HECTD4: variants seen among roughly 807,000 people sequenced by gnomAD.
The protein encoded by HECTD4 is HECT domain E3 ubiquitin protein ligase 4.
In HECTD4, 114 loss-of-function variants were observed where a neutral mutation model predicts 471.5. The ratio of observed to expected loss-of-function variants is 0.24; its 90% CI spans 0.21 to 0.28. The LOEUF is 0.28. Among genes scored for constraint, HECTD4 ranks in the 10% least tolerant of loss-of-function variants. HECTD4 has a pLI of 1.00. For missense variants in HECTD4, 3,866 were observed against 5,651.5 expected (o/e 0.68, Z 10.13); for synonymous variants, 2,012 against 2,256.0 (o/e 0.89, Z 3.07).
At chr12:112,214,425 G>A (rs1189606366) in intron 48 of HECTD4, among the ~76,000 whole-genome samples, 2 of 152,150 alleles carry the variant, frequency 1.3e-5, no homozygotes, top group Admixed American at 1.3e-4. Flanking sequence ...GTCATTGTTC[G>A]CCACGGCATC....
intron 55 of HECTD4, 102 bp from the exon 56 acceptor site, chr12:112,195,168 C>T (rs2032198711): frequency 2.0e-6 from 2 of 1,000,176 alleles, no homozygotes; most frequent in Admixed American, 5.1e-5. Flanking sequence ...CTGCCTCAGG[C>T]TTCTCTTCCA....
chr12:112,189,412 C>T (rs1294788711), intron 60 of HECTD4, among the ~76,000 whole-genome samples: 3 of 151,586 alleles, frequency 2.0e-5, no homozygotes, highest in Admixed American at 6.6e-5. Context: ...ATTGGCCAGG[C>T]GTGGTGGTGG....
Position 112,179,592 on chromosome 12 carries a change from G to A in HECTD4, c.10988-195C>T, listed in dbSNP as rs2031589507. Among the ~76,000 whole-genome samples, 1 of 152,238 alleles carries A rather than the reference G, an allele frequency of 6.6e-6. No homozygotes were observed. Among genetic ancestry groups the A allele is most frequent in the African/African-American group, 2.4e-5 (1 of 41,472 alleles). ...TGCCCAGCCTTCCTTGCCGTAAGGTGCGGCCCTGCAACCGTGGTCACTGTG... is the reference window on the plus strand; with the variant it reads ...TGCCCAGCCTTCCTTGCCGTAAGGTACGGCCCTGCAACCGTGGTCACTGTG... On this transcript the variant is annotated intron_variant, in intron 62 of 75. Coordinates refer to ENST00000682272, the MANE Select transcript of HECTD4 (RefSeq NM_001388303.1). The surrounding 1 kb of genome is among the most constrained non-coding windows in gnomAD (Gnocchi z 4.3).
rs2030782377 is a variant in HECTD4 at position 112,163,412 on chromosome 12, G to C, written c.12897+130C>G. On this transcript the variant is annotated intron_variant, in intron 74 of 75. Coordinates refer to ENST00000682272, the MANE Select transcript of HECTD4 (RefSeq NM_001388303.1). The surrounding 1 kb of genome is among the most constrained non-coding windows in gnomAD (Gnocchi z 8.2). ...ACAGGGAGATGACAATGATGACAATGATACAGGTCTGTGGCAAGGACAGAG... is the reference window on the plus strand; with the variant it reads ...ACAGGGAGATGACAATGATGACAATCATACAGGTCTGTGGCAAGGACAGAG... 1 of 1,031,066 alleles carries C rather than the reference G, an allele frequency of 9.7e-7. No homozygotes were observed. The highest frequency in any genetic ancestry group is 1.4e-6 in the Non-Finnish European group (1 of 714,190). 63.9% of individuals were successfully genotyped at this position (1,031,066 alleles called of 1,614,324 possible). A position where few individuals can be genotyped will look rare whatever the true frequency, so the allele number is the denominator to read the frequency against.
rs1223332825 is a variant in HECTD4 at position 112,252,427 on chromosome 12, A to G, written c.3549T>C (p.Ala1183=). Residue 1183 remains alanine (A), a synonymous_variant, in exon 23 of 76, where the codon GCT becomes GCC. Transcript: ENST00000682272. The stretch of plus-strand genomic sequence containing the variant: ...GGCAGTGGTTAGATTCAAGTACCTG[A>G]GCGCGAACTGTGCAAGCAAAGCCCC... ...AMWGFACTVR[A]QESSEDVSGG... 5 of 1,596,678 alleles carry G rather than the reference A, an allele frequency of 3.1e-6. No homozygotes were observed. The South Asian group carries it at 5.7e-5, about 18-fold the overall frequency.
intron 2 of HECTD4, among the ~76,000 whole-genome samples, chr12:112,317,316 G>A (rs1360285063): frequency 1.3e-5 from 2 of 152,134 alleles, no homozygotes; most frequent in East Asian, 3.9e-4. Flanking sequence ...CTTGCTCAGA[G>A]CAAAGAAACT....
At position 112,184,239 on chromosome 12, in the gene HECTD4, AG is replaced by A; in HGVS notation, c.10726del (p.Leu3576TrpfsTer19). On this transcript the variant is annotated frameshift_variant, in exon 61 of 76. Coordinates refer to ENST00000682272, the MANE Select transcript of HECTD4 (RefSeq NM_001388303.1). LOFTEE classifies it high-confidence loss of function. The surrounding 1 kb of genome is among the most constrained non-coding windows in gnomAD (Gnocchi z 9.1). ...GCGGGCGGCGAGGGGCTGGTTGTCC[AG>A]GGAAGTGACTGTGTACATGGAGCCC... ...DMGSMYTVTSLDNQPLAARPI... is the reference protein window; with the variant it reads ...DMGSMYTVTSXDNQPLAARPI... 1 of 1,613,424 alleles carries A rather than the reference AG, an allele frequency of 6.2e-7. No individual in the cohort carries two copies. Among genetic ancestry groups the A allele is most frequent in the Non-Finnish European group, 8.5e-7 (1 of 1,179,790 alleles).
At chr12:112,350,605 T>C (rs1354360519) in intron 1 of HECTD4, among the ~76,000 whole-genome samples, 1 of 152,218 alleles carries the variant, frequency 6.6e-6, no homozygotes, top group Non-Finnish European at 1.5e-5. Flanking sequence ...TCTAACAAGT[T>C]TTAGTGTTCT....
rs892209805 is a variant in HECTD4, at chr12:112,381,452, G to A, written c.177+500C>T. Among the ~76,000 whole-genome samples the A allele has an allele frequency of 2.6e-5, 4 of 152,150 alleles. No homozygotes were observed. Among genetic ancestry groups the A allele is most frequent in the African/African-American group, 9.7e-5 (4 of 41,448 alleles). ...GATTGCCCATCGCGGACCCGCAGCT[G>A]CCACTACCCTCTCCCGGAAAAAAAC... On this transcript the variant is annotated intron_variant, in intron 1 of 75. Coordinates refer to ENST00000682272, the MANE Select transcript of HECTD4 (RefSeq NM_001388303.1). This position sits in a 1 kb window ranked among gnomAD's most constrained non-coding sequence, Gnocchi z 4.1.
rs751409884 is a variant in HECTD4 at position 112,264,060 on chromosome 12, G to A, written c.2748+24C>T. 39 of 1,600,802 alleles carry A rather than the reference G, an allele frequency of 2.4e-5. 1 individual carries two copies. The Middle Eastern group carries it at 4.9e-4, about 20-fold the overall frequency. On this transcript the variant is annotated intron_variant, in intron 17 of 75. Coordinates refer to ENST00000682272, the MANE Select transcript of HECTD4 (RefSeq NM_001388303.1). ...CTTTTCACACTGGGTAGAACGCATCGTTAAAATAAAGCTTGGTGTTTACCT... is the reference window on the plus strand; with the variant it reads ...CTTTTCACACTGGGTAGAACGCATCATTAAAATAAAGCTTGGTGTTTACCT...
chr12:112,330,754 G>T (rs1037220874), intron 1 of HECTD4, among the ~76,000 whole-genome samples: 1 of 152,074 alleles, frequency 6.6e-6, no homozygotes, highest in African/African-American at 2.4e-5. Flanking sequence ...ATCCTCTTAG[G>T]GCTTACACCT....
At chr12:112,182,001 G>A (rs924085440) in intron 62 of HECTD4, among the ~76,000 whole-genome samples, 2 of 152,078 alleles carry the variant, frequency 1.3e-5, no homozygotes, top group Non-Finnish European at 2.9e-5. Context: ...CTGAGGCAGG[G>A]AGAATTGCTT....
chr12:112,256,525 A>G lies in HECTD4; in HGVS notation c.3129-7T>C. ...TTCCTTCTCTTCTAACATTCTAAAC[A>G]GAAAAAGAGAAAGTGATTTAGCTTA... On this transcript the variant is annotated splice_region_variant and splice_polypyrimidine_tract_variant and intron_variant, in intron 20 of 75. Coordinates refer to ENST00000682272, the MANE Select transcript of HECTD4 (RefSeq NM_001388303.1). The G allele has an allele frequency of 6.6e-7, 1 of 1,525,612 alleles. No homozygotes were observed. The highest frequency in any genetic ancestry group is 1.3e-5 in the South Asian group (1 of 74,964). 94.5% of individuals were successfully genotyped at this position (1,525,612 alleles called of 1,614,324 possible).
chr12:112,305,994 C>T (rs1310928347), intron 7 of HECTD4, 70 bp downstream of exon 7: 2 of 1,467,892 alleles, frequency 1.4e-6, no homozygotes, highest in African/African-American at 2.8e-5. Flanking sequence ...AGGCCCTTTG[C>T]ACACCAATAT....
intron 1 of HECTD4, among the ~76,000 whole-genome samples, chr12:112,344,460 C>T (rs761527920): frequency 1.3e-5 from 2 of 152,144 alleles, no homozygotes; most frequent in Non-Finnish European, 2.9e-5. Context: ...CACTTCTGTT[C>T]AAAATACAAA....
chr12:112,228,909 T>A lies in HECTD4; in HGVS notation c.6520-98A>T. On this transcript the variant is annotated intron_variant, in intron 41 of 75. Transcript: ENST00000682272. The surrounding 1 kb of genome is among the most constrained non-coding windows in gnomAD (Gnocchi z 4.9). ...AAAAGTAAATTTATAGTTGTCATTG[T>A]TGGCGTTACAGTAATAGTTTATACT... 1 of 1,187,260 alleles carries A rather than the reference T, an allele frequency of 8.4e-7. No homozygotes were observed. Among genetic ancestry groups the A allele is most frequent in the Non-Finnish European group, 1.2e-6 (1 of 816,942 alleles). 73.5% of individuals were successfully genotyped at this position (1,187,260 alleles called of 1,614,324 possible). A position where few individuals can be genotyped will look rare whatever the true frequency, so the allele number is the denominator to read the frequency against.
chr12:112,275,091 G>A, intron 9 of HECTD4, 131 bp from the exon 10 acceptor site: 1 of 565,632 alleles, frequency 1.8e-6, no homozygotes, highest in Non-Finnish European at 3.1e-6. Context: ...GGTAATTGGT[G>A]GTAAAGAGAT....
intron 32 of HECTD4, among the ~76,000 whole-genome samples, chr12:112,240,626 C>T (rs1372136219): frequency 6.6e-6 from 1 of 151,728 alleles, no homozygotes; most frequent in Non-Finnish European, 1.5e-5. Flanking sequence ...ATTTTTTTGA[C>T]TTTTAGTAGA....
In HECTD4 at chr12:112,217,082, G is replaced by A. The variant is rs942578761; in HGVS notation, c.7188C>T (p.Gly2396=). 1.2e-5 allele frequency: 19 copies of A among 1,587,018 alleles called. No individual in the cohort carries two copies. The highest frequency in any genetic ancestry group is 1.5e-5 in the Non-Finnish European group (17 of 1,166,272). The part of the protein sequence containing the change: ...TFLADPSAGG[G]LPRGTFIYAT... ...CATAGATAAAAGTGCCCCGGGGCAGGCCTCCCCCAGCGCTGGGGTCAGCCA... is the reference window on the plus strand; with the variant it reads ...CATAGATAAAAGTGCCCCGGGGCAGACCTCCCCCAGCGCTGGGGTCAGCCA... The change falls in exon 46 of 76, where the codon GGC becomes GGT. Residue 2396 remains glycine (G), a synonymous_variant. Transcript: ENST00000682272.
Sources: allele counts gnomAD v4.1 joint callset (sites outside exome capture counted in the v4.1 genomes callset), GRCh38; gene constraint gnomAD v4.1.1; non-coding constraint Gnocchi (gnomAD v3.1); transcripts MANE v1.5; gene names NCBI Gene and HGNC (gene_info 2026-07-23, HGNC 2026-07-21).